Variants in LRRIQ1 observed in about 807,000 individuals in gnomAD.
LRRIQ1 encodes leucine rich repeats and IQ motif containing 1, also known as leucine-rich repeat- and IQ domain-containing protein 1.
Under a neutral mutation model 211.9 loss-of-function variants are expected in LRRIQ1, and 210 were observed. That is an observed-to-expected ratio of 0.99 (90% CI 0.89 to 1.11). The LOEUF is 1.11. Among genes scored for constraint, LRRIQ1 ranks in the 50% most tolerant of loss-of-function variants. The probability of loss-of-function intolerance (pLI) is 0.00; values close to 1 mark genes in which losing one functional copy is unlikely to be tolerated. For missense variants in LRRIQ1, 2,136 were observed against 1,939.5 expected (o/e 1.10, Z -1.90); for synonymous variants, 699 against 650.1 (o/e 1.08, Z -1.14).
At chr12:85,105,024 T>C (rs1476287383) in intron 14 of LRRIQ1, among the ~76,000 whole-genome samples, 2 of 152,118 alleles carry the variant, frequency 1.3e-5, no homozygotes, top group Non-Finnish European at 2.9e-5. Context: ...TACAAGTGTT[T>C]ATTGGTGATT....
Position 85,220,900 on chromosome 12 carries a change from C to A in LRRIQ1, c.4823-8617C>A, listed in dbSNP as rs112151149. Among the ~76,000 whole-genome samples, 239 of 151,418 alleles carry A rather than the reference C, an allele frequency of 1.6e-3. 4 individuals are homozygous for A. The highest frequency in any genetic ancestry group is 5.2e-3 in the African/African-American group (216 of 41,242). ...CTGGCTCATTGCAAACCCCTCCCCC[C>A]AGGTTCAAGCAATTCTTCTGCCTCA... is the stretch of plus-strand genomic sequence containing the variant. On this transcript the variant is annotated intron_variant, in intron 24 of 26. Coordinates refer to ENST00000393217, the MANE Select transcript of LRRIQ1 (RefSeq NM_001079910.2).
Position 85,139,606 on chromosome 12 carries a change from C to T in LRRIQ1, c.4329+1637C>T, listed in dbSNP as rs182567116. On this transcript the variant is annotated intron_variant, in intron 19 of 26. Coordinates refer to ENST00000393217, the MANE Select transcript of LRRIQ1 (RefSeq NM_001079910.2). ...AAACTTTTCAATTTTTTCTATCAAA[C>T]GTAATTTACTGAAAGTCTCCAAATT... Among the ~76,000 whole-genome samples, 438 of 151,318 alleles carry T rather than the reference C, an allele frequency of 2.9e-3. 4 individuals are homozygous for T. Among genetic ancestry groups the T allele is most frequent in the African/African-American group, 9.4e-3 (389 of 41,416 alleles).
intron 24 of LRRIQ1, among the ~76,000 whole-genome samples, chr12:85,222,303 G>A (rs1362182777): frequency 6.6e-6 from 1 of 151,954 alleles, no homozygotes; most frequent in African/African-American, 2.4e-5. Flanking sequence ...AATAAAATGG[G>A]GCCAAGATAG....
At chr12:85,053,114 A>G (rs1880528328) in intron 7 of LRRIQ1, among the ~76,000 whole-genome samples, 1 of 152,162 alleles carries the variant, frequency 6.6e-6, no homozygotes, top group South Asian at 2.1e-4. Context: ...AGACAGTTCA[A>G]TAGAAAATAT....
intron 1 of LRRIQ1, among the ~76,000 whole-genome samples, chr12:85,262,525 A>T (rs1896327851): frequency 6.6e-6 from 1 of 151,920 alleles, no homozygotes; most frequent in Admixed American, 6.6e-5. Flanking sequence ...GACAAATGTT[A>T]ACATGTTTTA....
intron 3 of LRRIQ1, among the ~76,000 whole-genome samples, chr12:85,044,321 A>G (rs1168929337): frequency 6.6e-6 from 1 of 152,060 alleles, no homozygotes; most frequent in Admixed American, 6.6e-5. Flanking sequence ...TTTTAAATTA[A>G]TATTTTTATT....
chr12:85,167,016 AAG>A (rs1891183838), intron 24 of LRRIQ1, among the ~76,000 whole-genome samples: 1 of 152,208 alleles, frequency 6.6e-6, no homozygotes, highest in Non-Finnish European at 1.5e-5. Flanking sequence ...CCTGGCATTA[AAG>A]AGTGTCAAAC....
At chr12:85,140,789 G>A (rs1889485633) in intron 19 of LRRIQ1, among the ~76,000 whole-genome samples, 1 of 151,066 alleles carries the variant, frequency 6.6e-6, no homozygotes, top group East Asian at 1.9e-4. Context: ...AGATTAAGAT[G>A]CTGCTGCTGC....
intron 17 of LRRIQ1, 53 bp downstream of exon 17, chr12:85,124,572 T>G: frequency 7.5e-7 from 1 of 1,325,040 alleles, no homozygotes; most frequent in African/African-American, 1.5e-5. Context: ...CTCCTTTTGA[T>G]GGATGATATT....
At chr12:85,207,073 G>C (rs1269500881) in intron 24 of LRRIQ1, among the ~76,000 whole-genome samples, 4 of 152,126 alleles carry the variant, frequency 2.6e-5, no homozygotes. Flanking sequence ...GGAGGACCGT[G>C]GGGTGTCCTG....
At chr12:85,270,774 G>C in the LRRIQ1 span, among the ~76,000 whole-genome samples, 1 of 152,106 alleles carries the variant, frequency 6.6e-6, no homozygotes, top group African/African-American at 2.4e-5. Context: ...TCCTACCCTT[G>C]GAGATAAATA....
intron 24 of LRRIQ1, among the ~76,000 whole-genome samples, chr12:85,198,944 C>T (rs1287952652): frequency 6.6e-6 from 1 of 152,036 alleles, no homozygotes; most frequent in African/African-American, 2.4e-5. Flanking sequence ...AGTCCTTTGC[C>T]CACTTTTTAA....
intron 18 of LRRIQ1, among the ~76,000 whole-genome samples, chr12:85,136,749 A>C (rs565308038): frequency 6.6e-5 from 10 of 151,952 alleles, no homozygotes; most frequent in African/African-American, 2.4e-4. Context: ...TAACAATATG[A>C]TTACTGAAAA....
chr12:85,244,735 G>GA, intron 26 of LRRIQ1, 54 bp from the exon 27 acceptor site: 1 of 1,506,738 alleles, frequency 6.6e-7, no homozygotes. Flanking sequence ...GCTGCATTCA[G>GA]AAAATGCCAT....
chr12:85,229,018 TAAC>T (rs1430990706), intron 24 of LRRIQ1, among the ~76,000 whole-genome samples: 20 of 152,272 alleles, frequency 1.3e-4, no homozygotes, highest in Middle Eastern at 6.8e-3. Flanking sequence ...GTCTTCAGTG[TAAC>T]TCTGATATGT....
intron 26 of LRRIQ1, among the ~76,000 whole-genome samples, chr12:85,243,572 T>C (rs1895569529): frequency 6.6e-6 from 1 of 151,156 alleles, no homozygotes. Context: ...TGTGAGGCAA[T>C]ACATATGTTA....
intron 1 of LRRIQ1, among the ~76,000 whole-genome samples, chr12:85,257,049 TATATATAATTATATAATTATATAA>T (rs1218885466): frequency 4.3e-5 from 5 of 115,794 alleles, no homozygotes; most frequent in African/African-American, 1.6e-4. Context: ...TATATAATTA[TATATATAATTATATAATTATATAA>T]ATATATATAA....
chr12:85,217,389 A>T (rs2137103803), intron 24 of LRRIQ1, among the ~76,000 whole-genome samples: 1 of 147,184 alleles, frequency 6.8e-6, no homozygotes, highest in East Asian at 2.0e-4. Context: ...TCAATTAATA[A>T]ATATATGTAA....
intron 26 of LRRIQ1, among the ~76,000 whole-genome samples, chr12:85,244,231 T>C (rs1895609059): frequency 6.6e-6 from 1 of 151,452 alleles, no homozygotes; most frequent in South Asian, 2.1e-4. Flanking sequence ...TCCTGAAATA[T>C]CTATATATTT....
Sources: allele counts gnomAD v4.1 joint callset (sites outside exome capture counted in the v4.1 genomes callset), GRCh38; gene constraint gnomAD v4.1.1; transcripts MANE v1.5; gene names NCBI Gene and HGNC (gene_info 2026-07-23, HGNC 2026-07-21).